PPFIBP1: variants seen among roughly 807,000 people sequenced by gnomAD.
PPFIBP1 encodes the protein PPFIB scaffold protein 1, also known as liprin-beta-1.
Under a neutral mutation model 137.8 loss-of-function variants are expected in PPFIBP1, and 112 were observed. The ratio of observed to expected loss-of-function variants is 0.81; its 90% confidence interval spans 0.70 to 0.95. The LOEUF (loss-of-function observed/expected upper bound fraction) is 0.95, where lower values mean the gene tolerates loss of function less well. PPFIBP1 is among the 40% of genes least tolerant of loss of function. PPFIBP1 has a pLI of 0.00. For missense variants in PPFIBP1, 1,083 were observed against 1,196.6 expected, an observed-to-expected ratio of 0.91 and a Z score of 1.40; for synonymous variants, 378 against 417.3, an observed-to-expected ratio of 0.91 and a Z score of 1.15.
At position 27,664,417 on chromosome 12, in the gene PPFIBP1, A is replaced by C; in HGVS notation, c.962A>C (p.Asp321Ala). 2.5e-6 allele frequency: 4 copies of C among 1,613,038 alleles called. No individual in the cohort carries two copies. The highest frequency in any genetic ancestry group is 3.4e-6 in the Non-Finnish European group (4 of 1,179,184). ...QCLNRYKKMQ[D>A]TVVLAQGKKG... is the part of the protein sequence containing the mutation. ...CTGAACAGGTACAAGAAAATGCAAG[A>C]CACGGTGGTACTGGCCCAAGGTAAA... The change falls in exon 12 of 30, where the codon GAC (aspartate) becomes GCC (alanine). Residue 321 changes from aspartate (D) to alanine (A), a missense_variant. Coordinates refer to ENST00000228425, the MANE Select transcript of PPFIBP1 (RefSeq NM_003622.4).
intron 1 of PPFIBP1, among the ~76,000 whole-genome samples, chr12:27,529,049 G>A (rs941628221): frequency 6.6e-6 from 1 of 152,172 alleles, no homozygotes; most frequent in African/African-American, 2.4e-5. Context: ...GTACAGGGGT[G>A]CACCTAACAA....
intron 2 of PPFIBP1, among the ~76,000 whole-genome samples, chr12:27,625,936 A>T (rs903893116): frequency 2.0e-5 from 3 of 152,066 alleles, no homozygotes; most frequent in African/African-American, 7.2e-5. Context: ...AGGATCACTT[A>T]AGCCCAGGAG....
At chr12:27,684,252 G>T (rs1362667435) in intron 24 of PPFIBP1, among the ~76,000 whole-genome samples, 1 of 151,664 alleles carries the variant, frequency 6.6e-6, no homozygotes, top group African/African-American at 2.4e-5. Flanking sequence ...GGGATTACAG[G>T]TGCACACCAC....
chr12:27,629,198 G>C (rs1049229425), intron 2 of PPFIBP1, among the ~76,000 whole-genome samples: 1 of 152,168 alleles, frequency 6.6e-6, no homozygotes, highest in Non-Finnish European at 1.5e-5. Context: ...AGTTCTAAAT[G>C]AATTTTATGC....
At chr12:27,634,019 T>C (rs1240113025) in intron 3 of PPFIBP1, among the ~76,000 whole-genome samples, 1 of 151,734 alleles carries the variant, frequency 6.6e-6, no homozygotes, top group African/African-American at 2.4e-5. Flanking sequence ...GTATTTTTAG[T>C]AGAGACAGGG....
intron 9 of PPFIBP1, chr12:27,657,068 G>A (rs1415350082): frequency 1.1e-5 from 2 of 184,116 alleles, no homozygotes; most frequent in Non-Finnish European, 2.2e-5. Flanking sequence ...TGTGTCCCGG[G>A]ATCGTTGCCC....
At chr12:27,602,270 C>A (rs1369075361) in intron 2 of PPFIBP1, among the ~76,000 whole-genome samples, 1 of 152,190 alleles carries the variant, frequency 6.6e-6, no homozygotes, top group African/African-American at 2.4e-5. Context: ...TTCCCCCTCC[C>A]TACCCAGCTT....
chr12:27,618,023 A>G (rs1188131226), intron 2 of PPFIBP1, among the ~76,000 whole-genome samples: 4 of 152,204 alleles, frequency 2.6e-5, no homozygotes, highest in Non-Finnish European at 5.9e-5. Context: ...CCTGAAAGTT[A>G]CGGGTTGTCA....
chr12:27,550,426 G>T (rs980202880), intron 1 of PPFIBP1, among the ~76,000 whole-genome samples: 2 of 152,216 alleles, frequency 1.3e-5, no homozygotes, highest in Non-Finnish European at 2.9e-5. Flanking sequence ...ATAATGGGTT[G>T]CTTTGTTAAG....
chr12:27,569,683 C>T lies in PPFIBP1; in HGVS notation c.-123-8469C>T, dbSNP rs183185364. ...AAGCAATTCTCCTGCCTCAGCCTCC[C>T]GAGTAACTGGGATTACAGGCACTGG... is the stretch of plus-strand genomic sequence containing the variant. On this transcript the variant is annotated intron_variant, in intron 1 of 29. Coordinates refer to ENST00000228425, the MANE Select transcript of PPFIBP1 (RefSeq NM_003622.4). 5.6e-3 allele frequency among the ~76,000 whole-genome samples: 846 copies of T among 152,232 alleles called. 4 individuals carry two copies. The highest frequency in any genetic ancestry group is 9.6e-3 in the Non-Finnish European group (654 of 68,016).
intron 2 of PPFIBP1, among the ~76,000 whole-genome samples, chr12:27,598,538 CTG>C (rs71039825): frequency 0.031 from 4,636 of 150,736 alleles, 113 homozygotes; most frequent in African/African-American, 0.052. Context: ...TCTCTATAAT[CTG>C]TGTGTGTGTG....
At chr12:27,539,818 G>T (rs773032990) in intron 1 of PPFIBP1, among the ~76,000 whole-genome samples, 1 of 152,088 alleles carries the variant, frequency 6.6e-6, no homozygotes, top group Non-Finnish European at 1.5e-5. Flanking sequence ...TCACATGAAG[G>T]TATAATTAGC....
chr12:27,620,978 C>G (rs2056293442), intron 2 of PPFIBP1, among the ~76,000 whole-genome samples: 1 of 152,088 alleles, frequency 6.6e-6, no homozygotes, highest in South Asian at 2.1e-4. Context: ...TATTTTCTTT[C>G]TTTTTCTTCA....
chr12:27,537,069 C>T (rs978395032), intron 1 of PPFIBP1, among the ~76,000 whole-genome samples: 2 of 152,096 alleles, frequency 1.3e-5, no homozygotes, highest in African/African-American at 4.8e-5. Context: ...GGTTCGCATC[C>T]TCCTTCTCTC....
intron 4 of PPFIBP1, among the ~76,000 whole-genome samples, chr12:27,644,225 C>T (rs1005336521): frequency 2.2e-5 from 3 of 139,452 alleles, no homozygotes; most frequent in Non-Finnish European, 4.7e-5. Flanking sequence ...CACAGGCGCA[C>T]ACCACCAAGC....
At chr12:27,641,169 G>A (rs1320213148) in intron 4 of PPFIBP1, among the ~76,000 whole-genome samples, 1 of 152,158 alleles carries the variant, frequency 6.6e-6, no homozygotes, top group East Asian at 1.9e-4. Context: ...TAAAAAGGGG[G>A]CTGTTTTCTT....
intron 4 of PPFIBP1, among the ~76,000 whole-genome samples, chr12:27,639,156 A>C (rs1165316284): frequency 6.6e-6 from 1 of 152,224 alleles, no homozygotes; most frequent in African/African-American, 2.4e-5. Context: ...TTATTAGTGT[A>C]GCTCTAGGCT....
At chr12:27,529,097 A>G (rs948939152) in intron 1 of PPFIBP1, among the ~76,000 whole-genome samples, 2 of 152,216 alleles carry the variant, frequency 1.3e-5, no homozygotes, top group Admixed American at 6.5e-5. Flanking sequence ...CTCAAATTGC[A>G]CTGAGTATCC....
intron 1 of PPFIBP1, among the ~76,000 whole-genome samples, chr12:27,533,674 G>C (rs749168047): frequency 6.6e-5 from 10 of 152,174 alleles, no homozygotes; most frequent in South Asian, 2.1e-4. Flanking sequence ...GCCAAAGCCT[G>C]GACTAATGGA....
Sources: gnomAD v4.1 joint callset for allele counts (sites outside exome capture counted in the v4.1 genomes callset) on GRCh38, gnomAD v4.1.1 for gene constraint, MANE v1.5 for transcripts, NCBI Gene and HGNC (gene_info 2026-07-23, HGNC 2026-07-21) for gene names.